COL4A4: variants seen among roughly 807,000 people sequenced by gnomAD.
COL4A4 encodes the protein collagen type IV alpha 4 chain.
Under a neutral mutation model 192.9 loss-of-function variants are expected in COL4A4, and 105 were observed. The ratio of observed to expected loss-of-function variants is 0.54; its 90% CI spans 0.46 to 0.64. COL4A4 has a LOEUF of 0.64. COL4A4 is among the 30% of genes least tolerant of loss of function. The pLI, the probability that COL4A4 is intolerant of heterozygous loss-of-function variation, is 0.00. For synonymous variants in COL4A4, 762 were observed against 769.9 expected (o/e 0.99, Z 0.17); for missense variants, 1,967 against 2,169.3 (o/e 0.91, Z 1.85).
At chr2:226,969,631 C>T in the COL4A4 span, among the ~76,000 whole-genome samples, 1 of 152,124 alleles carries the variant, frequency 6.6e-6, no homozygotes, top group Non-Finnish European at 1.5e-5. Context: ...AGACTTCTTT[C>T]CTTTTCAGAA....
At chr2:227,077,230 G>C (rs1203251002) in intron 25 of COL4A4, among the ~76,000 whole-genome samples, 1 of 152,056 alleles carries the variant, frequency 6.6e-6, no homozygotes, top group Non-Finnish European at 1.5e-5. Context: ...CAAAGACTTG[G>C]AACCAAACCA....
intron 47 of COL4A4, 71 bp from the exon 48 acceptor site, chr2:227,007,659 C>A: frequency 6.3e-7 from 1 of 1,593,676 alleles, no homozygotes; most frequent in South Asian, 1.1e-5. Flanking sequence ...CAGGGACACA[C>A]CCAGGTTTGG....
chr2:227,142,744 AGACCCTGTCTC>A (rs1394874399), intron 3 of COL4A4, among the ~76,000 whole-genome samples: 1 of 150,784 alleles, frequency 6.6e-6, no homozygotes, highest in African/African-American at 2.5e-5. Flanking sequence ...TGACACAGTG[AGACCCTGTCTC>A]ACAAAAAAAA....
In COL4A4 at chr2:227,164,200, C is replaced by T. The variant is rs571200683; in HGVS notation, c.-295G>A. The T allele has an allele frequency of 6.5e-6, 1 of 154,538 alleles. No homozygotes were observed. Among genetic ancestry groups the T allele is most frequent in the East Asian group, 1.9e-4 (1 of 5,244 alleles). The allele number at this position is 154,538 out of a possible 1,614,324, so 9.6% of individuals were successfully genotyped here. On this transcript the variant is annotated 5_prime_UTR_variant, in exon 1 of 48. Coordinates refer to ENST00000396625, the MANE Select transcript of COL4A4 (RefSeq NM_000092.5). This position sits in a 1 kb window ranked among gnomAD's most constrained non-coding sequence, Gnocchi z 4.8. Reference sequence around the variant, plus strand: ...GGGCGCGGGGAACAAGCGGGGCCTCCCGAGTGCAGACGCCCGGCGCGCCTC... The same window carrying T: ...GGGCGCGGGGAACAAGCGGGGCCTCTCGAGTGCAGACGCCCGGCGCGCCTC...
intron 25 of COL4A4, among the ~76,000 whole-genome samples, chr2:227,063,587 A>T (rs901038594): frequency 6.6e-6 from 1 of 152,116 alleles, no homozygotes; most frequent in Admixed American, 6.5e-5. Flanking sequence ...AAAAAAACTT[A>T]AACCTTTTTT....
At chr2:227,136,165 C>A (rs1013897979) in intron 4 of COL4A4, among the ~76,000 whole-genome samples, 1 of 152,136 alleles carries the variant, frequency 6.6e-6, no homozygotes, top group African/African-American at 2.4e-5. Context: ...GCAATCTAAT[C>A]AATAAAGTCG....
Position 227,088,949 on chromosome 2 carries a change from G to A in COL4A4, c.1460-133C>T, listed in dbSNP as rs7592699. 3.2e-3 allele frequency: 3,478 copies of A among 1,074,246 alleles called. 76 individuals carry two copies. The African/African-American group carries it at 0.046, about 14-fold the overall frequency. The allele number at this position is 1,074,246 out of a possible 1,614,324, so 66.5% of individuals were successfully genotyped here. On this transcript the variant is annotated intron_variant, in intron 21 of 47. Coordinates refer to ENST00000396625, the MANE Select transcript of COL4A4 (RefSeq NM_000092.5). Reference sequence around the variant, plus strand: ...ATGCACTTCTTGCAGACAATTGAGAGCACGTGCTGTGGGGGCTGGGTGTGG... The same window carrying A: ...ATGCACTTCTTGCAGACAATTGAGAACACGTGCTGTGGGGGCTGGGTGTGG...
intron 19 of COL4A4, among the ~76,000 whole-genome samples, chr2:227,094,817 TTAAATA>T (rs2060124868): frequency 2.0e-5 from 3 of 152,230 alleles, no homozygotes; most frequent in Admixed American, 6.5e-5. Context: ...GCTGTGTATC[TTAAATA>T]TAAACAATTT....
chr2:227,070,483 T>C (rs1235943976), intron 25 of COL4A4, among the ~76,000 whole-genome samples: 1 of 151,770 alleles, frequency 6.6e-6, no homozygotes, highest in Admixed American at 6.6e-5. Context: ...TGTCCAACAA[T>C]GATAGACTGG....
chr2:227,154,877 C>T (rs1261747984), intron 1 of COL4A4, among the ~76,000 whole-genome samples: 1 of 152,188 alleles, frequency 6.6e-6, no homozygotes, highest in African/African-American at 2.4e-5. Context: ...TCCCAACATA[C>T]AAGCTGGTTA....
rs1400571996 is a variant in COL4A4, at chr2:227,045,967, T to A, written c.3289+1508A>T. On this transcript the variant is annotated intron_variant, in intron 35 of 47. Transcript: ENST00000396625. ...TGTATATATGTATATATGTATATAT[T>A]TATATGTGTATATGTATATATTTAG... is the stretch of plus-strand genomic sequence containing the variant. 4.0e-3 allele frequency among the ~76,000 whole-genome samples: 136 copies of A among 34,364 alleles called. 8 individuals are homozygous for A. The highest frequency in any genetic ancestry group is 0.018 in the African/African-American group (124 of 7,046). The allele number at this position is 34,364 out of a possible 152,430, so 22.5% of individuals were successfully genotyped here.
At chr2:227,078,111 C>T in intron 24 of COL4A4, 34 bp from the exon 25 acceptor site, 1 of 1,607,250 alleles carries the variant, frequency 6.2e-7, no homozygotes, top group Non-Finnish European at 8.5e-7. Flanking sequence ...AATTACCAAC[C>T]ACTGAATGTC....
chr2:227,121,395 T>A (rs774374677), intron 4 of COL4A4, among the ~76,000 whole-genome samples: 1 of 151,602 alleles, frequency 6.6e-6, no homozygotes, highest in African/African-American at 2.4e-5. Flanking sequence ...AGACCCCCCA[T>A]CTCTACAGAA....
chr2:227,163,529 T>C (rs1199626302), intron 1 of COL4A4, among the ~76,000 whole-genome samples: 4 of 152,242 alleles, frequency 2.6e-5, no homozygotes, highest in Non-Finnish European at 4.4e-5. Flanking sequence ...TCTAATTGCT[T>C]TACCAGAGCC....
At chr2:227,148,298 A>G (rs2063686041) in intron 1 of COL4A4, among the ~76,000 whole-genome samples, 1 of 152,264 alleles carries the variant, frequency 6.6e-6, no homozygotes, top group African/African-American at 2.4e-5. Flanking sequence ...TGGTATATCC[A>G]TACAATGGAG....
chr2:227,137,277 A>C (rs2062880872), intron 4 of COL4A4, among the ~76,000 whole-genome samples: 1 of 152,218 alleles, frequency 6.6e-6, no homozygotes, highest in African/African-American at 2.4e-5. Context: ...GGGTACGTGC[A>C]AGGAAACCCA....
chr2:227,020,554 G>A (rs1360373401), intron 44 of COL4A4, among the ~76,000 whole-genome samples: 2 of 152,144 alleles, frequency 1.3e-5, no homozygotes, highest in Admixed American at 1.3e-4. Flanking sequence ...CATCTCTTGG[G>A]CACTTAACTT....
At chr2:227,052,732 C>T (rs1486421180) in intron 31 of COL4A4, among the ~76,000 whole-genome samples, 7 of 152,052 alleles carry the variant, frequency 4.6e-5, no homozygotes, top group African/African-American at 1.2e-4. Context: ...AAAAAAATGT[C>T]GCTTTGTTCT....
rs767450885 is a variant in COL4A4 at position 227,041,846 on chromosome 2, A to AAGAG, written c.3505+298_3505+301dup. Among the ~76,000 whole-genome samples the AAGAG allele has an allele frequency of 2.8e-4, 11 of 39,322 alleles. No individual in the cohort carries two copies. In the South Asian group the frequency reaches 4.2e-3, roughly 15 times the overall value. 25.8% of individuals were successfully genotyped at this position (39,322 alleles called of 152,430 possible). ...AAAGAAAGAAAGAAAGAAAGAAAGA[A>AAGAG]AGAGAAAGAAAGAAAGAAAGAAAGA... On this transcript the variant is annotated intron_variant, in intron 37 of 47. Transcript: ENST00000396625.
Sources: gnomAD v4.1 joint callset for allele counts (sites outside exome capture counted in the v4.1 genomes callset) on GRCh38, gnomAD v4.1.1 for gene constraint, Gnocchi (gnomAD v3.1) non-coding constraint, MANE v1.5 for transcripts, NCBI Gene and HGNC (gene_info 2026-07-23, HGNC 2026-07-21) for gene names.